NRXN3: variants seen among roughly 807,000 people sequenced by gnomAD.
NRXN3 encodes neurexin 3.
A neutral mutation model predicts 137.6 loss-of-function variants in NRXN3; 32 were observed. The observed-to-expected ratio is 0.23, with a 90% CI of 0.18 to 0.31. The LOEUF (loss-of-function observed/expected upper bound fraction) is 0.31, where lower values mean the gene tolerates loss of function less well. NRXN3 is among the 10% of genes least tolerant of loss of function. NRXN3 has a pLI of 1.00. For synonymous variants in NRXN3, 798 were observed against 784.5 expected (o/e 1.02, Z -0.29); for missense variants, 1,574 against 2,062.5 (o/e 0.76, Z 4.59).
intron 4 of NRXN3, among the ~76,000 whole-genome samples, chr14:78,487,776 TAAATAAATAAATAAAG>T (rs960968676): frequency 6.7e-6 from 1 of 150,222 alleles, no homozygotes; most frequent in African/African-American, 2.4e-5. Flanking sequence ...AATAAATAAA[TAAATAAATAAATAAAG>T]ATAGATTTGT....
At chr14:78,993,391 T>G (rs963530877) in intron 15 of NRXN3, among the ~76,000 whole-genome samples, 1 of 152,168 alleles carries the variant, frequency 6.6e-6, no homozygotes, top group Non-Finnish European at 1.5e-5. Context: ...TAAAAACCTA[T>G]GTTGTTATGA....
chr14:78,601,870 A>G (rs771249295), intron 4 of NRXN3, among the ~76,000 whole-genome samples: 11 of 152,160 alleles, frequency 7.2e-5, no homozygotes, highest in East Asian at 1.9e-4. Flanking sequence ...TTCTCCCTCC[A>G]GTCTTGGTTC....
At chr14:79,484,438 A>G (rs2096637507) in intron 16 of NRXN3, among the ~76,000 whole-genome samples, 1 of 152,200 alleles carries the variant, frequency 6.6e-6, no homozygotes, top group Non-Finnish European at 1.5e-5. Flanking sequence ...TTAAATGCAG[A>G]TATTTCATAT....
chr14:79,406,104 C>T (rs910148698), intron 15 of NRXN3, among the ~76,000 whole-genome samples: 2 of 152,028 alleles, frequency 1.3e-5, no homozygotes, highest in Admixed American at 6.6e-5. Flanking sequence ...CTTCCCATAG[C>T]ACTATCTTTA....
chr14:79,069,382 A>G (rs890700110), intron 15 of NRXN3, among the ~76,000 whole-genome samples: 3 of 152,046 alleles, frequency 2.0e-5, no homozygotes, highest in East Asian at 1.9e-4. Flanking sequence ...TTCAATAACT[A>G]TTTGCTGATC....
At chr14:79,094,108 C>G (rs570847432) in intron 15 of NRXN3, among the ~76,000 whole-genome samples, 6 of 152,180 alleles carry the variant, frequency 3.9e-5, no homozygotes, top group African/African-American at 1.4e-4. Flanking sequence ...GGGTAAAGGA[C>G]AGAGAAAATA....
At position 78,651,781 on chromosome 14, in the gene NRXN3, A is replaced by AC. The variant is rs201300312; in HGVS notation, c.1221+455_1221+456insC. The stretch of plus-strand genomic sequence containing the variant: ...TCACTATCATGAGAACAGCATGGGA[A>AC]AGACCTGACCCCATGATTTAATTAC... On this transcript the variant is annotated intron_variant, in intron 6 of 20. Coordinates refer to ENST00000335750, the MANE Select transcript of NRXN3 (RefSeq NM_001330195.2). 8.5e-3 allele frequency among the ~76,000 whole-genome samples: 1,294 copies of AC among 152,274 alleles called. 22 individuals are homozygous for AC. Among genetic ancestry groups the AC allele is most frequent in the African/African-American group, 0.03 (1,242 of 41,540 alleles).
Position 79,055,676 on chromosome 14 carries a change from A to T in NRXN3, c.3262+67535A>T, listed in dbSNP as rs557402040. ...TAATCTTAATAGGAAAAACTAAAGG[A>T]TGCTGTGGGAATAAATGGAAGGATC... On this transcript the variant is annotated intron_variant, in intron 15 of 20. Coordinates refer to ENST00000335750, the MANE Select transcript of NRXN3 (RefSeq NM_001330195.2). 2.2e-4 allele frequency among the ~76,000 whole-genome samples: 33 copies of T among 152,346 alleles called. No individual in the cohort carries two copies. The South Asian group carries it at 6.6e-3, about 31-fold the overall frequency.
chr14:79,102,333 C>G (rs903475995), intron 15 of NRXN3, among the ~76,000 whole-genome samples: 12 of 152,080 alleles, frequency 7.9e-5, no homozygotes, highest in African/African-American at 2.7e-4. Flanking sequence ...AATGCTACTT[C>G]AATTTTATAT....
At position 79,458,252 on chromosome 14, in the gene NRXN3, T is replaced by C. The variant is rs201255138; in HGVS notation, c.3263-8969T>C. 7.2e-5 allele frequency among the ~76,000 whole-genome samples: 11 copies of C among 152,298 alleles called. No individual in the cohort carries two copies. The East Asian group carries it at 1.9e-3, about 27-fold the overall frequency. On this transcript the variant is annotated intron_variant, in intron 15 of 20. Transcript: ENST00000335750. Reference sequence around the variant, plus strand: ...TGGGTGTGATTTTCTTATCTGAGACTGCCAAAAATTCACCAAAGAAAAATC... The same window carrying C: ...TGGGTGTGATTTTCTTATCTGAGACCGCCAAAAATTCACCAAAGAAAAATC...
At chr14:79,121,280 T>A (rs75012469) in intron 15 of NRXN3, among the ~76,000 whole-genome samples, 2,678 of 152,268 alleles carry the variant, frequency 0.018, 65 homozygotes, top group African/African-American at 0.049. Context: ...GATATGTGTG[T>A]CATAAAACTG....
At chr14:78,958,338 CTA>C (rs1041415627) in intron 11 of NRXN3, among the ~76,000 whole-genome samples, 2 of 151,164 alleles carry the variant, frequency 1.3e-5, no homozygotes, top group African/African-American at 4.9e-5. Context: ...ATTTTACATG[CTA>C]TATCTTTTTT....
intron 19 of NRXN3, among the ~76,000 whole-genome samples, chr14:79,732,059 C>A (rs542007773): frequency 6.6e-6 from 1 of 152,154 alleles, no homozygotes; most frequent in South Asian, 2.1e-4. Flanking sequence ...ATGTGCCATG[C>A]AACTTCTATT....
intron 10 of NRXN3, among the ~76,000 whole-genome samples, chr14:78,872,450 A>G (rs927787317): frequency 6.6e-6 from 1 of 151,496 alleles, no homozygotes; most frequent in Non-Finnish European, 1.5e-5. Context: ...TCTGCATTGT[A>G]TCTCTTTTTT....
intron 15 of NRXN3, among the ~76,000 whole-genome samples, chr14:79,095,847 T>A (rs375268744): frequency 2.0e-5 from 3 of 152,270 alleles, no homozygotes; most frequent in African/African-American, 4.8e-5. Flanking sequence ...TCCTTCCTAC[T>A]GATTATTGTT....
At chr14:78,613,791 A>G (rs2097322557) in intron 4 of NRXN3, among the ~76,000 whole-genome samples, 1 of 152,088 alleles carries the variant, frequency 6.6e-6, no homozygotes, top group Non-Finnish European at 1.5e-5. Context: ...CTAACAGAAC[A>G]TACATAGCTC....
At chr14:79,739,335 T>G (rs547737263) in intron 19 of NRXN3, among the ~76,000 whole-genome samples, 5 of 152,080 alleles carry the variant, frequency 3.3e-5, no homozygotes. Flanking sequence ...GAAATACAAT[T>G]TGGGAGACCA....
At chr14:79,286,630 T>G (rs1420292008) in intron 15 of NRXN3, among the ~76,000 whole-genome samples, 1 of 151,090 alleles carries the variant, frequency 6.6e-6, no homozygotes, top group Non-Finnish European at 1.5e-5. Context: ...AGGGTATACC[T>G]TTCTTTGTCT....
At chr14:78,290,155 A>G (rs932507026) in intron 3 of NRXN3, among the ~76,000 whole-genome samples, 16 of 152,226 alleles carry the variant, frequency 1.1e-4, no homozygotes, top group African/African-American at 3.9e-4. Flanking sequence ...CAATGCTGAG[A>G]AAAGGTGAGA....
Sources: gnomAD v4.1 joint callset for allele counts (sites outside exome capture counted in the v4.1 genomes callset) on GRCh38, gnomAD v4.1.1 for gene constraint, MANE v1.5 for transcripts, NCBI Gene and HGNC (gene_info 2026-07-23, HGNC 2026-07-21) for gene names.